Variants in RASGEF1C observed in about 807,000 individuals in gnomAD.
The protein encoded by RASGEF1C is RasGEF domain family member 1C.
RASGEF1C carries 27 observed loss-of-function variants against 58.1 expected under a neutral mutation model. The ratio of observed to expected loss-of-function variants is 0.46; its 90% CI spans 0.34 to 0.64. The LOEUF (loss-of-function observed/expected upper bound fraction) is 0.64, where lower values mean the gene tolerates loss of function less well. RASGEF1C is among the 30% of genes least tolerant of loss of function. The probability of loss-of-function intolerance (pLI) is 0.01; values close to 1 mark genes in which losing one functional copy is unlikely to be tolerated. For missense variants in RASGEF1C, 502 were observed against 605.1 expected (o/e 0.83, Z 1.79); for synonymous variants, 243 against 246.3 (o/e 0.99, Z 0.13).
rs745922773 is a variant in RASGEF1C, at chr5:180,121,083, G to T, written c.781C>A (p.Leu261Met). ...ACCATGCAGATCTCAGTTGCCACCA[G>T]GTAGCACAGCCTGTTGAACCATTTC... ...YVKWFNRLCY[L>M]VATEICMPAK... The change falls in exon 7 of 14, where the codon CTG (leucine) becomes ATG (methionine). Residue 261 changes from leucine to methionine, a missense_variant. Physicochemically the swap from Leu to Met is conservative, Grantham distance 15 (BLOSUM62 2). Coordinates refer to ENST00000361132, the MANE Select transcript of RASGEF1C (RefSeq NM_175062.4). The T allele has an allele frequency of 6.2e-7, 1 of 1,613,982 alleles. No homozygotes were observed. The highest frequency in any genetic ancestry group is 8.5e-7 in the Non-Finnish European group (1 of 1,179,852).
At chr5:180,204,164 T>C (rs1756450347) in intron 1 of RASGEF1C, among the ~76,000 whole-genome samples, 1 of 152,204 alleles carries the variant, frequency 6.6e-6, no homozygotes, top group Non-Finnish European at 1.5e-5. Flanking sequence ...ATATATATCT[T>C]GTTTATTTAT....
At chr5:180,136,257 A>G in intron 4 of RASGEF1C, 121 bp downstream of exon 4, 1 of 1,067,014 alleles carries the variant, frequency 9.4e-7, no homozygotes, top group South Asian at 1.8e-5. Context: ...AAGCGGCTGG[A>G]TTTGGACGGG....
intron 1 of RASGEF1C, among the ~76,000 whole-genome samples, chr5:180,140,207 T>A (rs1406317060): frequency 6.6e-6 from 1 of 152,178 alleles, no homozygotes. Flanking sequence ...TGAACTATTG[T>A]GACCCACAGG....
chr5:180,202,744 C>T (rs1468873611), intron 1 of RASGEF1C, among the ~76,000 whole-genome samples: 1 of 151,320 alleles, frequency 6.6e-6, no homozygotes, highest in Non-Finnish European at 1.5e-5. Flanking sequence ...TCGCTGTCGC[C>T]CAGGCTGGAG....
intron 1 of RASGEF1C, among the ~76,000 whole-genome samples, chr5:180,166,974 C>A (rs1262911264): frequency 1.3e-5 from 2 of 152,172 alleles, no homozygotes; most frequent in South Asian, 2.1e-4. Context: ...TTTTCTCTGG[C>A]TGCTTACAAT....
chr5:180,161,712 A>G (rs576913728), intron 1 of RASGEF1C, among the ~76,000 whole-genome samples: 2 of 152,316 alleles, frequency 1.3e-5, no homozygotes, highest in East Asian at 1.9e-4. Flanking sequence ...ATTCGCGCCC[A>G]TCTCTGCCGG....
At chr5:180,205,972 T>C (rs1195609042) in intron 1 of RASGEF1C, among the ~76,000 whole-genome samples, 1 of 152,138 alleles carries the variant, frequency 6.6e-6, no homozygotes, top group Admixed American at 6.5e-5. Flanking sequence ...TGACCTCAAG[T>C]GATCTGCCTG....
chr5:180,110,815 A>ATT lies in RASGEF1C; in HGVS notation c.1303+640_1303+641dup, dbSNP rs34922364. ...TCCCCACGTAAGCTCTGGGAAGGTG[A>ATT]TTTTTTTTTTCTTTTTTTGAGACGA... is the stretch of plus-strand genomic sequence containing the variant. On this transcript the variant is annotated intron_variant, in intron 12 of 13. Coordinates refer to ENST00000361132, the MANE Select transcript of RASGEF1C (RefSeq NM_175062.4). Among the ~76,000 whole-genome samples, 557 of 149,978 alleles carry ATT rather than the reference A, an allele frequency of 3.7e-3. 1 individual carries two copies. Among genetic ancestry groups the ATT allele is most frequent in the African/African-American group, 0.013 (518 of 40,756 alleles).
intron 11 of RASGEF1C, among the ~76,000 whole-genome samples, chr5:180,113,798 ACCGAGGATGGATGGAGGG>A (rs1208573521): frequency 4.4e-4 from 66 of 151,440 alleles, no homozygotes; most frequent in East Asian, 1.8e-3. Context: ...GGATGGAGGG[ACCGAGGATGGATGGAGGG>A]ACCGAGGATG....
chr5:180,121,191 T>C, intron 6 of RASGEF1C, 42 bp from the exon 7 acceptor site: 1 of 1,366,092 alleles, frequency 7.3e-7, no homozygotes, highest in African/African-American at 1.4e-5. Context: ...CTGAGCCTTT[T>C]TGTCTATCAT....
chr5:180,116,131 T>C (rs56346373), intron 10 of RASGEF1C, among the ~76,000 whole-genome samples: 55,517 of 152,058 alleles, frequency 0.37, 10,716 homozygotes, highest in East Asian at 0.48. Flanking sequence ...CCTTCCGCCA[T>C]GGCCACGCCA....
At chr5:180,154,876 C>T (rs992403088) in intron 1 of RASGEF1C, among the ~76,000 whole-genome samples, 3 of 152,196 alleles carry the variant, frequency 2.0e-5, no homozygotes, top group African/African-American at 7.2e-5. Context: ...CCACCACGCC[C>T]GGCCCACCCT....
At chr5:180,164,761 G>A (rs1383639146) in intron 1 of RASGEF1C, among the ~76,000 whole-genome samples, 2 of 152,156 alleles carry the variant, frequency 1.3e-5, no homozygotes, top group African/African-American at 2.4e-5. Flanking sequence ...ATTCTGCTGT[G>A]GTTGGGTAAA....
At chr5:180,106,067 C>A (rs1261239702) in intron 12 of RASGEF1C, among the ~76,000 whole-genome samples, 1 of 152,146 alleles carries the variant, frequency 6.6e-6, no homozygotes, top group Non-Finnish European at 1.5e-5. Context: ...CAGAATGGTG[C>A]ACAATTCAAA....
chr5:180,108,207 T>TC (rs199907933), intron 12 of RASGEF1C, among the ~76,000 whole-genome samples: 2 of 149,636 alleles, frequency 1.3e-5, no homozygotes, highest in East Asian at 1.9e-4. Flanking sequence ...TTTCTTTCTT[T>TC]TTTTTTTTTT....
chr5:180,166,838 G>A (rs1767031400), intron 1 of RASGEF1C, among the ~76,000 whole-genome samples: 1 of 152,172 alleles, frequency 6.6e-6, no homozygotes, highest in Non-Finnish European at 1.5e-5. Context: ...TTTAATAGAT[G>A]TAGAGTTATG....
At chr5:180,199,877 A>G (rs1187918477) in intron 1 of RASGEF1C, among the ~76,000 whole-genome samples, 1 of 152,156 alleles carries the variant, frequency 6.6e-6, no homozygotes, top group Admixed American at 6.5e-5. Context: ...TTCCTAGAAG[A>G]ATTTCCGTGT....
chr5:180,166,651 G>A (rs1261029292), intron 1 of RASGEF1C, among the ~76,000 whole-genome samples: 2 of 151,858 alleles, frequency 1.3e-5, no homozygotes, highest in Non-Finnish European at 1.5e-5. Context: ...GAGTAGCTGG[G>A]GTTACAGGCA....
chr5:180,135,746 C>T (rs1239992871), intron 4 of RASGEF1C, among the ~76,000 whole-genome samples: 3 of 152,168 alleles, frequency 2.0e-5, no homozygotes, highest in East Asian at 3.9e-4. Context: ...CCTCCCAAGC[C>T]GCTGGGGTTC....
Sources: allele counts gnomAD v4.1 joint callset (sites outside exome capture counted in the v4.1 genomes callset), GRCh38; gene constraint gnomAD v4.1.1; transcripts MANE v1.5; gene names NCBI Gene and HGNC (gene_info 2026-07-23, HGNC 2026-07-21).